The following ALKBH1 variants were observed in gnomAD, a reference collection of about 807,000 sequenced individuals.
ALKBH1 encodes the protein nucleic acid dioxygenase ALKBH1.
A neutral mutation model predicts 36.6 loss-of-function variants in ALKBH1; 31 were observed. The observed-to-expected ratio is 0.85, with a 90% CI of 0.64 to 1.14. The LOEUF (loss-of-function observed/expected upper bound fraction) is 1.14. ALKBH1 is among the 50% of genes most tolerant of loss of function. The pLI, the probability that ALKBH1 is intolerant of heterozygous loss-of-function variation, is 0.00. For missense variants in ALKBH1, 490 were observed against 497.3 expected (o/e 0.99, Z 0.14); for synonymous variants, 183 against 186.6 (o/e 0.98, Z 0.16).
At chr14:77,699,154 T>TG (rs1396745731) in intron 2 of ALKBH1, among the ~76,000 whole-genome samples, 3 of 152,218 alleles carry the variant, frequency 2.0e-5, no homozygotes, top group Non-Finnish European at 4.4e-5. Flanking sequence ...AAGGTGTGGC[T>TG]GTATTCCAAT....
intron 3 of ALKBH1, among the ~76,000 whole-genome samples, chr14:77,694,462 A>G (rs572000229): frequency 6.6e-6 from 1 of 152,348 alleles, no homozygotes; most frequent in South Asian, 2.1e-4. Flanking sequence ...AAGCTAATGG[A>G]AATGGATCAT....
At chr14:77,682,751 G>A (rs1174467263) in intron 3 of ALKBH1, among the ~76,000 whole-genome samples, 1 of 152,112 alleles carries the variant, frequency 6.6e-6, no homozygotes, top group Non-Finnish European at 1.5e-5. Flanking sequence ...AGGCTGGAGG[G>A]CAATGGCACG....
At chr14:77,675,998 CTTTT>C (rs374529582) in intron 4 of ALKBH1, 149 bp from the exon 5 acceptor site, 20 of 564,980 alleles carry the variant, frequency 3.5e-5, no homozygotes, top group Non-Finnish European at 5.0e-5. Flanking sequence ...CTTTTCTTTT[CTTTT>C]TTTTTTTTTT....
intron 3 of ALKBH1, among the ~76,000 whole-genome samples, chr14:77,690,798 ACATAACTCTTTTTT>A (rs899677273): frequency 2.6e-5 from 4 of 151,514 alleles, no homozygotes; most frequent in African/African-American, 9.7e-5. Context: ...AGATGTTTAC[ACATAACTCTTTTTT>A]TTTTTTGAGA....
chr14:77,695,005 A>G (rs2080319497), intron 2 of ALKBH1, 105 bp from the exon 3 acceptor site: 3 of 1,032,880 alleles, frequency 2.9e-6, no homozygotes, highest in Middle Eastern at 3.1e-4. Flanking sequence ...TTTACTCCCC[A>G]TATTTTTTTG....
At chr14:77,679,476 G>A (rs919499470) in intron 4 of ALKBH1, among the ~76,000 whole-genome samples, 6 of 151,732 alleles carry the variant, frequency 4.0e-5, no homozygotes, top group African/African-American at 1.2e-4. Flanking sequence ...TGTCACCCAG[G>A]CTGGAGTGCA....
intron 2 of ALKBH1, among the ~76,000 whole-genome samples, chr14:77,703,184 T>C (rs1248789047): frequency 2.0e-5 from 3 of 152,094 alleles, no homozygotes; most frequent in South Asian, 2.1e-4. Flanking sequence ...GGTCTTACTA[T>C]GTTACCCGGG....
At chr14:77,701,815 A>G (rs2080360914) in intron 2 of ALKBH1, among the ~76,000 whole-genome samples, 1 of 152,220 alleles carries the variant, frequency 6.6e-6, no homozygotes, top group African/African-American at 2.4e-5. Flanking sequence ...GAGACAGAAT[A>G]AACTCTCCAA....
intron 3 of ALKBH1, among the ~76,000 whole-genome samples, chr14:77,689,355 C>T (rs1434767006): frequency 6.6e-6 from 1 of 152,110 alleles, no homozygotes; most frequent in African/African-American, 2.4e-5. Flanking sequence ...ACAGTCCCTC[C>T]CTCACTGGCT....
intron 3 of ALKBH1, among the ~76,000 whole-genome samples, chr14:77,692,626 A>G (rs1020905305): frequency 6.6e-6 from 1 of 152,028 alleles, no homozygotes. Flanking sequence ...GCTCTACATC[A>G]CTAAAACCTT....
chr14:77,685,906 C>T (rs2080265868), intron 3 of ALKBH1, among the ~76,000 whole-genome samples: 1 of 152,118 alleles, frequency 6.6e-6, no homozygotes, highest in Admixed American at 6.6e-5. Context: ...AAATTGTGAT[C>T]TTTGAGTGTC....
intron 1 of ALKBH1, among the ~76,000 whole-genome samples, chr14:77,705,411 GAAAAA>G (rs56123313): frequency 3.5e-5 from 4 of 113,392 alleles, no homozygotes; most frequent in Admixed American, 9.4e-5. Flanking sequence ...CTCCGTCTAA[GAAAAA>G]AAAAAAAAAA....
At chr14:77,677,916 T>C (rs1566811286) in intron 4 of ALKBH1, among the ~76,000 whole-genome samples, 1 of 152,096 alleles carries the variant, frequency 6.6e-6, no homozygotes, top group African/African-American at 2.4e-5. Flanking sequence ...CTTTCAACCC[T>C]GTCCAAACTG....
intron 3 of ALKBH1, among the ~76,000 whole-genome samples, chr14:77,682,964 T>G (rs1223048345): frequency 6.6e-6 from 1 of 152,196 alleles, no homozygotes; most frequent in East Asian, 1.9e-4. Flanking sequence ...CCCAAAGTGC[T>G]GGGATTACAG....
chr14:77,674,099 T>G lies in ALKBH1; in HGVS notation c.883A>C (p.Asn295His), dbSNP rs369681820. The G allele has an allele frequency of 1.9e-6, 3 of 1,613,952 alleles. No individual in the cohort carries two copies. The highest frequency in any genetic ancestry group is 2.5e-6 in the Non-Finnish European group (3 of 1,180,022). The stretch of plus-strand genomic sequence containing the variant: ...TGAGGCAGGCCTTCCCCTTCTGGAT[T>G]TGGAAGGACACGAGGGACTGCGTGG... ...LNHAVPRVLPNPEGEGLPHCL... is the reference protein window; with the variant it reads ...LNHAVPRVLPHPEGEGLPHCL... The change falls in exon 6 of 6, where the codon AAT becomes CAT. Residue 295 changes from asparagine (N) to histidine (H), a missense_variant. Asn to His is a moderately conservative substitution (Grantham distance 68). Coordinates refer to ENST00000216489, the MANE Select transcript of ALKBH1 (RefSeq NM_006020.3).
At position 77,673,378 on chromosome 14, in the gene ALKBH1, T is replaced by C. The variant is rs1165480947; in HGVS notation, c.*434A>G. ...CCTGAGGGAGTTAAGAAGATGAGAC[T>C]AATAGCTGGTTCACAGAACCACAAT... is the stretch of plus-strand genomic sequence containing the variant. On this transcript the variant is annotated 3_prime_UTR_variant, in exon 6 of 6. Coordinates refer to ENST00000216489, the MANE Select transcript of ALKBH1 (RefSeq NM_006020.3). The C allele has an allele frequency of 6.0e-6, 1 of 167,496 alleles. No homozygotes were observed. The highest frequency in any genetic ancestry group is 2.4e-5 in the African/African-American group (1 of 41,728). The allele number at this position is 167,496 out of a possible 1,614,324, so 10.4% of individuals were successfully genotyped here.
intron 1 of ALKBH1, among the ~76,000 whole-genome samples, chr14:77,707,069 T>A (rs1392511541): frequency 1.3e-5 from 2 of 152,232 alleles, no homozygotes; most frequent in Admixed American, 1.3e-4. Context: ...AAAATAATTT[T>A]TAAAAAATCT....
intron 2 of ALKBH1, chr14:77,696,818 G>C (rs1283766778): frequency 6.5e-6 from 1 of 152,776 alleles, no homozygotes; most frequent in Non-Finnish European, 1.5e-5. Context: ...ATACTCCTCT[G>C]AGGTCCAAAT....
At chr14:77,695,879 G>A (rs567987741) in intron 2 of ALKBH1, among the ~76,000 whole-genome samples, 39 of 152,292 alleles carry the variant, frequency 2.6e-4, no homozygotes, top group African/African-American at 8.4e-4. Flanking sequence ...CGGATCACAT[G>A]AGGTCAGGAG....
Sources: allele counts gnomAD v4.1 joint callset (sites outside exome capture counted in the v4.1 genomes callset), GRCh38; gene constraint gnomAD v4.1.1; transcripts MANE v1.5; gene names NCBI Gene and HGNC (gene_info 2026-07-23, HGNC 2026-07-21).